Variants in NPAS3 observed in about 807,000 individuals in gnomAD.
NPAS3 encodes neuronal PAS domain-containing protein 3.
Under a neutral mutation model 73.1 loss-of-function variants are expected in NPAS3, and 14 were observed. The ratio of observed to expected loss-of-function variants is 0.19; its 90% CI spans 0.13 to 0.30. The LOEUF (loss-of-function observed/expected upper bound fraction) is 0.30. Among genes scored for constraint, NPAS3 ranks in the 10% least tolerant of loss-of-function variants. The pLI is 1.00. For missense variants in NPAS3, 1,096 were observed against 1,250.0 expected (o/e 0.88, Z 1.86); for synonymous variants, 620 against 541.5 (o/e 1.14, Z -2.01).
chr14:33,729,184 A>G (rs1242948951), intron 6 of NPAS3, among the ~76,000 whole-genome samples: 2 of 152,140 alleles, frequency 1.3e-5, no homozygotes, highest in Non-Finnish European at 2.9e-5. Flanking sequence ...AAAAAAGTCA[A>G]TTGGGCATTT....
chr14:33,174,049 A>AT (rs1225049601), intron 2 of NPAS3, among the ~76,000 whole-genome samples: 1 of 152,172 alleles, frequency 6.6e-6, no homozygotes, highest in Non-Finnish European at 1.5e-5. Flanking sequence ...AGGTTTGCAT[A>AT]TTTTTTGCAG....
At chr14:33,427,422 T>A (rs953521420) in intron 4 of NPAS3, among the ~76,000 whole-genome samples, 1 of 151,694 alleles carries the variant, frequency 6.6e-6, no homozygotes, top group African/African-American at 2.4e-5. Flanking sequence ...TAAAGTAAAT[T>A]CCACAACCAG....
chr14:33,291,377 T>G (rs1483044842), intron 3 of NPAS3, among the ~76,000 whole-genome samples: 2 of 152,140 alleles, frequency 1.3e-5, no homozygotes, highest in African/African-American at 4.8e-5. Flanking sequence ...TTGAGGTGAA[T>G]CTGTTTTCTC....
intron 2 of NPAS3, among the ~76,000 whole-genome samples, chr14:33,132,835 G>A (rs1344653540): frequency 6.6e-6 from 1 of 152,046 alleles, no homozygotes; most frequent in Non-Finnish European, 1.5e-5. Context: ...AATATTTACT[G>A]ATACCTGTTA....
chr14:33,404,049 G>A (rs1036746502), intron 4 of NPAS3, among the ~76,000 whole-genome samples: 5 of 152,130 alleles, frequency 3.3e-5, no homozygotes, highest in Non-Finnish European at 7.4e-5. Context: ...CGTCCTTTCA[G>A]GTACCTGGGA....
At chr14:33,452,198 C>G (rs1566915916) in intron 4 of NPAS3, among the ~76,000 whole-genome samples, 1 of 152,090 alleles carries the variant, frequency 6.6e-6, no homozygotes, top group Non-Finnish European at 1.5e-5. Context: ...CTTAGACCAC[C>G]CAGGCTCCTG....
At chr14:33,206,792 A>G (rs1334247384) in intron 2 of NPAS3, among the ~76,000 whole-genome samples, 10 of 152,170 alleles carry the variant, frequency 6.6e-5, no homozygotes, top group Admixed American at 2.0e-4. Flanking sequence ...AAATAGTACT[A>G]TAGTTCTTTG....
chr14:33,558,182 A>G (rs1166103632), intron 4 of NPAS3, among the ~76,000 whole-genome samples: 3 of 152,216 alleles, frequency 2.0e-5, no homozygotes, highest in African/African-American at 2.4e-5. Flanking sequence ...TCAGAACCCA[A>G]GAAATCAGAG....
chr14:33,503,526 T>C (rs2052615320), intron 4 of NPAS3, among the ~76,000 whole-genome samples: 2 of 151,840 alleles, frequency 1.3e-5, no homozygotes. Context: ...CTTTATATAA[T>C]CCAGTTAACA....
At chr14:33,802,017 G>A (rs2063725507), downstream of NPAS3, 1 of 152,138 alleles carries the variant, frequency 6.6e-6, no homozygotes, top group African/African-American at 2.4e-5. Context: ...TAATGGGTCA[G>A]TAAAGCCCCT....
intron 2 of NPAS3, among the ~76,000 whole-genome samples, chr14:33,135,458 A>G (rs1245834547): frequency 6.6e-6 from 1 of 152,230 alleles, no homozygotes; most frequent in East Asian, 1.9e-4. Context: ...ATTAAAAATA[A>G]GACATTCAAT....
chr14:33,160,560 C>T (rs1180709804), intron 2 of NPAS3, among the ~76,000 whole-genome samples: 2 of 150,458 alleles, frequency 1.3e-5, no homozygotes, highest in Non-Finnish European at 3.0e-5. Flanking sequence ...TTAATGGGTG[C>T]AGCACACCAA....
chr14:33,367,835 A>C (rs2140421220), intron 4 of NPAS3, among the ~76,000 whole-genome samples: 1 of 152,316 alleles, frequency 6.6e-6, no homozygotes, highest in African/African-American at 2.4e-5. Context: ...AACTTCATGA[A>C]AAATAAATGT....
intron 7 of NPAS3, among the ~76,000 whole-genome samples, chr14:33,739,710 A>G (rs1245397087): frequency 6.6e-6 from 1 of 152,164 alleles, no homozygotes; most frequent in African/African-American, 2.4e-5. Context: ...ATTTTGCATC[A>G]TTTTATCCAT....
chr14:33,644,254 TTTGGC>T (rs2058758669), intron 5 of NPAS3, among the ~76,000 whole-genome samples: 1 of 152,226 alleles, frequency 6.6e-6, no homozygotes, highest in Non-Finnish European at 1.5e-5. Flanking sequence ...TCTCATAACT[TTTGGC>T]AAACGAGCCA....
intron 2 of NPAS3, among the ~76,000 whole-genome samples, chr14:33,124,858 A>G (rs191299729): frequency 4.7e-4 from 72 of 152,242 alleles, no homozygotes; most frequent in African/African-American, 1.7e-3. Context: ...AAGGGCAATG[A>G]TAAATTGCAT....
At chr14:33,411,764 T>C (rs2047937297) in intron 4 of NPAS3, among the ~76,000 whole-genome samples, 1 of 152,202 alleles carries the variant, frequency 6.6e-6, no homozygotes, top group African/African-American at 2.4e-5. Flanking sequence ...GCTTGAAATG[T>C]CTTCCCAGCC....
chr14:33,114,282 C>G (rs530273968), intron 2 of NPAS3, among the ~76,000 whole-genome samples: 2 of 152,242 alleles, frequency 1.3e-5, no homozygotes, highest in South Asian at 2.1e-4. Context: ...TGATCCACCC[C>G]CCTTTGGCCT....
At chr14:33,477,773 G>T (rs1435183289) in intron 4 of NPAS3, among the ~76,000 whole-genome samples, 1 of 152,170 alleles carries the variant, frequency 6.6e-6, no homozygotes, top group East Asian at 1.9e-4. Context: ...TTCAAAAAAA[G>T]AGTTTGCCAT....
Sources: allele counts gnomAD v4.1 joint callset (sites outside exome capture counted in the v4.1 genomes callset), GRCh38; gene constraint gnomAD v4.1.1; transcripts MANE v1.5; gene names NCBI Gene and HGNC (gene_info 2026-07-23, HGNC 2026-07-21).